COBLL1: variants seen among roughly 807,000 people sequenced by gnomAD.
COBLL1 encodes the protein cordon-bleu WH2 repeat protein like 1, also known as cordon-bleu protein-like 1.
In COBLL1, 50 loss-of-function variants were observed where a neutral mutation model predicts 94.8. The ratio of observed to expected loss-of-function variants is 0.53; its 90% CI spans 0.42 to 0.67. The LOEUF (loss-of-function observed/expected upper bound fraction) is 0.67. Ranked by LOEUF, COBLL1 falls within the 30% of genes least tolerant of loss-of-function variation. The pLI, the probability that COBLL1 is intolerant of heterozygous loss-of-function variation, is 0.00. For missense variants in COBLL1, 1,362 were observed against 1,348.7 expected, an observed-to-expected ratio of 1.01 and a Z score of -0.15; for synonymous variants, 448 against 473.8, an observed-to-expected ratio of 0.95 and a Z score of 0.71.
At chr2:164,835,996 T>A (rs1683300556) in intron 2 of COBLL1, among the ~76,000 whole-genome samples, 1 of 152,162 alleles carries the variant, frequency 6.6e-6, no homozygotes, top group South Asian at 2.1e-4. Flanking sequence ...TGGCATTTAT[T>A]ATTATATTAA....
intron 2 of COBLL1, among the ~76,000 whole-genome samples, chr2:164,793,439 T>C (rs1214038987): frequency 6.6e-6 from 1 of 152,180 alleles, no homozygotes; most frequent in Non-Finnish European, 1.5e-5. Flanking sequence ...CAAAACTTCA[T>C]TTCAGGTATT....
intron 4 of COBLL1, 136 bp downstream of exon 4, chr2:164,729,778 C>T (rs1397417924): frequency 1.3e-6 from 1 of 748,456 alleles, no homozygotes; most frequent in Non-Finnish European, 2.2e-6. Flanking sequence ...CAACTGAATC[C>T]TAAACAAAGT....
At position 164,735,043 on chromosome 2, in the gene COBLL1, G is replaced by A. The variant is rs529780931; in HGVS notation, c.231-4928C>T. Among the ~76,000 whole-genome samples, 20 of 152,284 alleles carry A rather than the reference G, an allele frequency of 1.3e-4. No individual in the cohort carries two copies. In the South Asian group the frequency reaches 1.7e-3, roughly 13 times the overall value. On this transcript the variant is annotated intron_variant, in intron 3 of 13. Transcript: ENST00000652658. ...GGAAGTGGAACAGGGGTTCAGGCCA[G>A]CCTTACTTAGATCTTAAGCAGCAGA...
chr2:164,673,721 C>T lies in COBLL1; in HGVS notation n.127-7820G>A, dbSNP rs376935017. Reference sequence around the variant, plus strand: ...AAATAAACTCAGTGAATTCACTTCACAGGAATTTCCAAGTTTGTAAGCCAC... The same window carrying T: ...AAATAAACTCAGTGAATTCACTTCATAGGAATTTCCAAGTTTGTAAGCCAC... On this transcript the variant is annotated intron_variant and non_coding_transcript_variant, in intron 1 of 2. Coordinates refer to the COBLL1 transcript ENST00000495084. 5.3e-5 allele frequency among the ~76,000 whole-genome samples: 8 copies of T among 152,212 alleles called. No homozygotes were observed. The South Asian group carries it at 8.3e-4, about 16-fold the overall frequency.
chr2:164,767,259 T>C (rs1193079914), intron 2 of COBLL1, among the ~76,000 whole-genome samples: 1 of 152,240 alleles, frequency 6.6e-6, no homozygotes, highest in African/African-American at 2.4e-5. Flanking sequence ...TAAGTTCATT[T>C]TTTGGAAAAA....
chr2:164,783,822 C>T (rs779306893), intron 2 of COBLL1, among the ~76,000 whole-genome samples: 3 of 151,872 alleles, frequency 2.0e-5, no homozygotes, highest in Non-Finnish European at 4.4e-5. Flanking sequence ...AAAAATTAGC[C>T]AGGCATGGTG....
At chr2:164,807,371 G>A (rs1684220152) in intron 2 of COBLL1, among the ~76,000 whole-genome samples, 1 of 151,774 alleles carries the variant, frequency 6.6e-6, no homozygotes, top group Non-Finnish European at 1.5e-5. Flanking sequence ...CCGAGAGGCA[G>A]AGGCTGCAGT....
intron 3 of COBLL1, among the ~76,000 whole-genome samples, chr2:164,734,216 CAAA>C (rs60971315): frequency 8.3e-6 from 1 of 120,658 alleles, no homozygotes. Context: ...CATGCTCTGA[CAAA>C]AAAAAAAAAA....
At chr2:164,691,749 AT>A (rs1289455223) in intron 13 of COBLL1, among the ~76,000 whole-genome samples, 1 of 152,198 alleles carries the variant, frequency 6.6e-6, no homozygotes, top group Non-Finnish European at 1.5e-5. Flanking sequence ...TGTATTATCT[AT>A]CATCTACATT....
intron 2 of COBLL1, among the ~76,000 whole-genome samples, chr2:164,805,347 A>ATATATATATATT (rs1684081268): frequency 5.5e-5 from 6 of 109,222 alleles, no homozygotes; most frequent in African/African-American, 2.2e-4. Flanking sequence ...CTATATATAT[A>ATATATATATATT]TATATATATA....
chr2:164,739,560 A>C (rs2105548795), intron 3 of COBLL1, among the ~76,000 whole-genome samples: 1 of 152,380 alleles, frequency 6.6e-6, no homozygotes. Context: ...ATAGTACTAC[A>C]CTATCAAAAT....
intron 2 of COBLL1, among the ~76,000 whole-genome samples, chr2:164,785,362 C>G (rs537156973): frequency 6.6e-6 from 1 of 152,270 alleles, no homozygotes; most frequent in South Asian, 2.1e-4. Flanking sequence ...GCACCTCAGC[C>G]TGAGCAACAG....
intron 7 of COBLL1, among the ~76,000 whole-genome samples, chr2:164,713,824 G>A (rs1685028629): frequency 1.3e-5 from 2 of 152,112 alleles, no homozygotes. Context: ...ATCCTCAGAG[G>A]AGTAATGCCA....
intron 3 of COBLL1, among the ~76,000 whole-genome samples, chr2:164,732,547 T>C (rs1230890161): frequency 2.6e-5 from 4 of 152,346 alleles, no homozygotes; most frequent in Admixed American, 2.6e-4. Flanking sequence ...AAATGCAGTT[T>C]AGCTGGAAGA....
At position 164,680,636 on chromosome 2, in the gene COBLL1, A is replaced by C. The variant is rs1473888137; in HGVS notation, c.*5310T>G. 6.6e-6 allele frequency: 1 copy of C among 152,166 alleles called. No individual in the cohort carries two copies. The highest frequency in any genetic ancestry group is 2.4e-5 in the African/African-American group (1 of 41,442). 9.4% of individuals were successfully genotyped at this position (152,166 alleles called of 1,614,324 possible). A position where few individuals can be genotyped will look rare whatever the true frequency, so the allele number is the denominator to read the frequency against. ...TGTACACTTTCAGGTTTTCAATGAA[A>C]TAGCACAGTTGCCAGATTTAGCTAA... On this transcript the variant is annotated 3_prime_UTR_variant, in exon 14 of 14. Transcript: ENST00000652658.
Position 164,743,803 on chromosome 2 carries a change from A to G in COBLL1, c.114T>C (p.Asp38=). Residue 38 remains aspartate, a synonymous_variant, in exon 3 of 14, where the codon GAT becomes GAC. Coordinates refer to ENST00000652658, the MANE Select transcript of COBLL1 (RefSeq NM_001365672.2). Reference sequence around the variant, plus strand: ...TGATGAAAGCAGTGGATTCTACAGAATCAGCAGCTGAAGAGACATCAGTAT... The same window carrying G: ...TGATGAAAGCAGTGGATTCTACAGAGTCAGCAGCTGAAGAGACATCAGTAT... ...TKYTDVSSAA[D]SVESTAFIME... is the part of the protein sequence containing the mutation. 1 of 1,613,458 alleles carries G rather than the reference A, an allele frequency of 6.2e-7. No individual in the cohort carries two copies. Among genetic ancestry groups the G allele is most frequent in the Non-Finnish European group, 8.5e-7 (1 of 1,179,658 alleles).
chr2:164,799,563 C>T (rs1683654213), intron 2 of COBLL1, among the ~76,000 whole-genome samples: 2 of 152,012 alleles, frequency 1.3e-5, no homozygotes, highest in Non-Finnish European at 2.9e-5. Context: ...CAATTCCAGT[C>T]AAAACTCCAG....
At chr2:164,767,514 G>A (rs925608151) in intron 2 of COBLL1, among the ~76,000 whole-genome samples, 1 of 144,758 alleles carries the variant, frequency 6.9e-6, no homozygotes, top group Non-Finnish European at 1.5e-5. Flanking sequence ...TTGATGTAGA[G>A]TGAAAGCTTT....
intron 11 of COBLL1, chr2:164,696,399 A>C (rs1402790001): frequency 6.6e-6 from 1 of 152,182 alleles, no homozygotes; most frequent in Non-Finnish European, 1.5e-5. Context: ...GAAAACATTA[A>C]GATTTATAGT....
Sources: gnomAD v4.1 joint callset for allele counts (sites outside exome capture counted in the v4.1 genomes callset) on GRCh38, gnomAD v4.1.1 for gene constraint, MANE v1.5 for transcripts, NCBI Gene and HGNC (gene_info 2026-07-23, HGNC 2026-07-21) for gene names.